The following ADAMTSL3 variants were observed in gnomAD, a reference collection of about 807,000 sequenced individuals.
The protein encoded by ADAMTSL3 is ADAMTS like 3, also known as ADAMTS-like protein 3.
ADAMTSL3 carries 128 observed loss-of-function variants against 201.7 expected under a neutral mutation model. The observed-to-expected ratio is 0.63, with a 90% confidence interval of 0.55 to 0.73. The LOEUF (loss-of-function observed/expected upper bound fraction) is 0.73, where lower values mean the gene tolerates loss of function less well. Among genes scored for constraint, ADAMTSL3 ranks in the 30% least tolerant of loss-of-function variants. The pLI is 0.00. For synonymous variants in ADAMTSL3, 738 were observed against 748.4 expected (o/e 0.99, Z 0.23); for missense variants, 1,990 against 2,119.6 (o/e 0.94, Z 1.20).
chr15:83,850,400 A>ATGTATATACATGTATATACATATGTG (rs1162560324), intron 7 of ADAMTSL3, among the ~76,000 whole-genome samples: 136 of 151,718 alleles, frequency 9.0e-4, no homozygotes, highest in Non-Finnish European at 1.4e-3. Context: ...AAAAATGTCT[A>ATGTATATACATGTATATACATATGTG]TGTATATACA....
intron 23 of ADAMTSL3, among the ~76,000 whole-genome samples, chr15:84,003,866 C>A (rs905251721): frequency 1.3e-4 from 20 of 152,192 alleles, no homozygotes; most frequent in Non-Finnish European, 2.9e-5. Flanking sequence ...ATTCCGGCTG[C>A]TATGACCTAA....
chr15:83,742,902 C>T (rs745986000), intron 3 of ADAMTSL3, among the ~76,000 whole-genome samples: 1 of 152,156 alleles, frequency 6.6e-6, no homozygotes, highest in Non-Finnish European at 1.5e-5. Flanking sequence ...ATAATGAAAA[C>T]TGTTCTTTGA....
At position 83,759,381 on chromosome 15, in the gene ADAMTSL3, A is replaced by G. The variant is rs184681799; in HGVS notation, c.190-14142A>G. On this transcript the variant is annotated intron_variant, in intron 3 of 29. Transcript: ENST00000286744. ...GCTGGGACTACAGGTGCCCGCCACC[A>G]TGCCCAGCTAATTTTTTGTATTTTT... Among the ~76,000 whole-genome samples, 713 of 152,210 alleles carry G rather than the reference A, an allele frequency of 4.7e-3. 3 individuals are homozygous for G. Among genetic ancestry groups the G allele is most frequent in the African/African-American group, 0.017 (688 of 41,530 alleles).
intron 17 of ADAMTSL3, among the ~76,000 whole-genome samples, chr15:83,937,353 T>C (rs2066479496): frequency 6.6e-6 from 1 of 150,940 alleles, no homozygotes; most frequent in South Asian, 2.1e-4. Flanking sequence ...ATCGTGTCCT[T>C]TGCAGCAACA....
intron 9 of ADAMTSL3, among the ~76,000 whole-genome samples, chr15:83,882,983 C>G (rs1353909510): frequency 6.6e-6 from 1 of 151,762 alleles, no homozygotes; most frequent in Non-Finnish European, 1.5e-5. Flanking sequence ...CTTCATCATT[C>G]TATTTGTCTA....
At chr15:83,788,873 G>C (rs1357934437) in intron 4 of ADAMTSL3, among the ~76,000 whole-genome samples, 1 of 151,986 alleles carries the variant, frequency 6.6e-6, no homozygotes, top group Non-Finnish European at 1.5e-5. Context: ...GCAGTGGCTT[G>C]ATCTTGGCTC....
rs538714996 is a variant in ADAMTSL3 at position 83,838,100 on chromosome 15, C to T, written c.612C>T (p.Cys204=). 9 of 1,608,650 alleles carry T rather than the reference C, an allele frequency of 5.6e-6. No homozygotes were observed. Among genetic ancestry groups the T allele is most frequent in the East Asian group, 2.3e-5 (1 of 44,428 alleles). Residue 204 remains cysteine (C), a synonymous_variant, in exon 7 of 30, where the codon TGC becomes TGT. Transcript: ENST00000286744. ...CISGICQAVG[C]DRQLGSNAKE... ...GCTTCTGTTGGCAGGCAGTGGGCTG[C>T]GATCGGCAACTGGGAAGCAATGCCA...
chr15:83,963,145 T>C (rs546412727), intron 19 of ADAMTSL3, among the ~76,000 whole-genome samples: 1 of 152,172 alleles, frequency 6.6e-6, no homozygotes, highest in Non-Finnish European at 1.5e-5. Flanking sequence ...ACCTCAGTGG[T>C]GCCTGTAACA....
rs76225520 is a variant in ADAMTSL3, at chr15:83,831,365, C to G, written c.601-6724C>G. ...ATGAGTAGGGATGATGAGCATAAAC[C>G]CCCTTTTCAAAAAGTATGAATCAGA... On this transcript the variant is annotated intron_variant, in intron 6 of 29. Transcript: ENST00000286744. Among the ~76,000 whole-genome samples the G allele has an allele frequency of 2.8e-3, 425 of 152,086 alleles. 6 individuals carry two copies. In the East Asian group the frequency reaches 0.032, roughly 11 times the overall value.
intron 2 of ADAMTSL3, among the ~76,000 whole-genome samples, chr15:83,695,735 T>G (rs2061679078): frequency 6.6e-6 from 1 of 152,218 alleles, no homozygotes; most frequent in Middle Eastern, 3.2e-3. Context: ...GTCCTTTTCT[T>G]TTAAACCCTC....
At chr15:83,778,548 T>C (rs979015735) in intron 4 of ADAMTSL3, among the ~76,000 whole-genome samples, 5 of 152,222 alleles carry the variant, frequency 3.3e-5, no homozygotes, top group Non-Finnish European at 7.3e-5. Context: ...AATATGATCC[T>C]TTTTAGACAA....
Position 83,874,707 on chromosome 15 carries a change from A to G in ADAMTSL3, c.960+3748A>G, listed in dbSNP as rs1381729039. Among the ~76,000 whole-genome samples the G allele has an allele frequency of 2.8e-5, 4 of 143,998 alleles. 1 individual carries two copies. Among genetic ancestry groups the G allele is most frequent in the African/African-American group, 8.0e-5 (3 of 37,416 alleles). 94.5% of individuals were successfully genotyped at this position (143,998 alleles called of 152,430 possible). On this transcript the variant is annotated intron_variant, in intron 9 of 29. Transcript: ENST00000286744. ...ATTGGATAGGGGTCCCAGCCACACCACCGAGAACGTGCAGCAAGACAAGAA... is the reference window on the plus strand; with the variant it reads ...ATTGGATAGGGGTCCCAGCCACACCGCCGAGAACGTGCAGCAAGACAAGAA...
intron 9 of ADAMTSL3, among the ~76,000 whole-genome samples, chr15:83,871,204 A>G (rs1465385968): frequency 2.0e-5 from 3 of 152,202 alleles, no homozygotes; most frequent in African/African-American, 4.8e-5. Flanking sequence ...TTCTGTATTT[A>G]TAATCTCTGG....
chr15:83,702,724 G>C (rs757244393), intron 2 of ADAMTSL3, among the ~76,000 whole-genome samples: 3 of 152,206 alleles, frequency 2.0e-5, no homozygotes, highest in Non-Finnish European at 4.4e-5. Context: ...ACACCTGGAT[G>C]CCCAGGCAAA....
intron 4 of ADAMTSL3, among the ~76,000 whole-genome samples, chr15:83,783,915 G>A (rs2063218402): frequency 6.6e-6 from 1 of 151,746 alleles, no homozygotes; most frequent in African/African-American, 2.4e-5. Context: ...TAGAGTCAAA[G>A]TTTGATCAAG....
At chr15:83,749,248 C>T (rs996421248) in intron 3 of ADAMTSL3, among the ~76,000 whole-genome samples, 1 of 152,136 alleles carries the variant, frequency 6.6e-6, no homozygotes, top group African/African-American at 2.4e-5. Flanking sequence ...GGCTGAAGGA[C>T]ATTCTCCAAG....
chr15:83,953,700 G>A (rs1030603230), intron 19 of ADAMTSL3, among the ~76,000 whole-genome samples: 1 of 152,090 alleles, frequency 6.6e-6, no homozygotes, highest in Non-Finnish European at 1.5e-5. Flanking sequence ...GCTCCCTTTA[G>A]CATTTCTTAT....
chr15:83,796,805 C>G (rs1206181558), intron 4 of ADAMTSL3, among the ~76,000 whole-genome samples: 1 of 152,022 alleles, frequency 6.6e-6, no homozygotes, highest in African/African-American at 2.4e-5. Flanking sequence ...TAAATCAGTG[C>G]AGGAAAGAGG....
At chr15:83,704,018 AC>A (rs1567084834) in intron 2 of ADAMTSL3, among the ~76,000 whole-genome samples, 14 of 145,976 alleles carry the variant, frequency 9.6e-5, no homozygotes, top group Non-Finnish European at 1.4e-4. Context: ...AAAAAAAAAA[AC>A]ACAAAAGGAA....
Sources: gnomAD v4.1 joint callset for allele counts (sites outside exome capture counted in the v4.1 genomes callset) on GRCh38, gnomAD v4.1.1 for gene constraint, MANE v1.5 for transcripts, NCBI Gene and HGNC (gene_info 2026-07-23, HGNC 2026-07-21) for gene names.